Variants in NKAIN2 observed in about 807,000 individuals in gnomAD.
NKAIN2 encodes sodium/potassium transporting ATPase interacting 2.
Under a neutral mutation model 32.6 loss-of-function variants are expected in NKAIN2, and 14 were observed. The ratio of observed to expected loss-of-function variants is 0.43; its 90% CI spans 0.28 to 0.67. The LOEUF is 0.67. NKAIN2 is among the 30% of genes least tolerant of loss of function. The pLI is 0.17. For synonymous variants in NKAIN2, 80 were observed against 87.2 expected (o/e 0.92, Z 0.46); for missense variants, 198 against 258.3 (o/e 0.77, Z 1.60).
At position 123,876,469 on chromosome 6, in the gene NKAIN2, A is replaced by C. The variant is rs1773175497; in HGVS notation, c.54+72215A>C. ...ATATATATACATACACACACACACA[A>C]GATTTTATAAAGGATTTGCTCACGT... On this transcript the variant is annotated intron_variant, in intron 1 of 6. Transcript: ENST00000368417. 2.0e-5 allele frequency among the ~76,000 whole-genome samples: 3 copies of C among 152,146 alleles called. No homozygotes were observed. In the South Asian group the frequency reaches 6.2e-4, roughly 32 times the overall value.
At chr6:123,830,134 A>G (rs1199881769) in intron 1 of NKAIN2, among the ~76,000 whole-genome samples, 1 of 152,010 alleles carries the variant, frequency 6.6e-6, no homozygotes, top group Non-Finnish European at 1.5e-5. Context: ...TTTGCATCCT[A>G]AAAATTTATT....
chr6:124,184,774 C>A (rs1789627226), intron 1 of NKAIN2, among the ~76,000 whole-genome samples: 1 of 152,018 alleles, frequency 6.6e-6, no homozygotes, highest in Admixed American at 6.6e-5. Context: ...GTCCCAGAAT[C>A]AAAGGGAATG....
At chr6:124,269,036 A>C (rs1794628632) in intron 1 of NKAIN2, among the ~76,000 whole-genome samples, 1 of 152,220 alleles carries the variant, frequency 6.6e-6, no homozygotes, top group South Asian at 2.1e-4. Context: ...TAGATAGAAG[A>C]AGCATGTATA....
chr6:124,627,927 TC>T (rs1334197972), intron 3 of NKAIN2, among the ~76,000 whole-genome samples: 2 of 152,152 alleles, frequency 1.3e-5, no homozygotes, highest in African/African-American at 2.4e-5. Context: ...TGTACACTCA[TC>T]TGTTCACACA....
chr6:124,300,772 GC>G (rs1796260823), intron 2 of NKAIN2, among the ~76,000 whole-genome samples: 1 of 152,178 alleles, frequency 6.6e-6, no homozygotes, highest in African/African-American at 2.4e-5. Flanking sequence ...CTGGCATTTT[GC>G]CCCTGCCCTA....
At chr6:124,762,083 G>A (rs769147945) in intron 4 of NKAIN2, among the ~76,000 whole-genome samples, 3 of 152,134 alleles carry the variant, frequency 2.0e-5, no homozygotes, top group Non-Finnish European at 4.4e-5. Flanking sequence ...ACCAAGGGCT[G>A]CTATAACAAA....
chr6:124,559,278 T>G (rs1226708920), intron 3 of NKAIN2, among the ~76,000 whole-genome samples: 5 of 152,080 alleles, frequency 3.3e-5, no homozygotes. Context: ...GAATAGATAA[T>G]GGCCAATATA....
chr6:124,024,218 C>A (rs536404774), intron 1 of NKAIN2, among the ~76,000 whole-genome samples: 1 of 151,886 alleles, frequency 6.6e-6, no homozygotes, highest in South Asian at 2.1e-4. Flanking sequence ...GATTATATTC[C>A]CCTGATCCAG....
chr6:123,917,347 T>G (rs1775548397), intron 1 of NKAIN2, among the ~76,000 whole-genome samples: 1 of 152,150 alleles, frequency 6.6e-6, no homozygotes, highest in Admixed American at 6.6e-5. Flanking sequence ...AAGAAGCCGT[T>G]TTTTTGAAGT....
intron 1 of NKAIN2, among the ~76,000 whole-genome samples, chr6:123,904,438 T>C (rs1774757296): frequency 6.6e-6 from 1 of 152,190 alleles, no homozygotes; most frequent in Admixed American, 6.5e-5. Flanking sequence ...TCCTGCTTTG[T>C]GCACAGATCT....
intron 1 of NKAIN2, among the ~76,000 whole-genome samples, chr6:124,212,836 T>C (rs1463856832): frequency 1.3e-5 from 2 of 152,106 alleles, no homozygotes; most frequent in Non-Finnish European, 2.9e-5. Flanking sequence ...GTGATTTAGT[T>C]ATTAGACTCA....
chr6:124,083,130 A>G (rs1160769513), intron 1 of NKAIN2, among the ~76,000 whole-genome samples: 2 of 151,972 alleles, frequency 1.3e-5, no homozygotes, highest in Non-Finnish European at 2.9e-5. Context: ...GTTTGTATAC[A>G]AAATATTTAT....
At chr6:124,518,587 A>G (rs1460474252) in intron 3 of NKAIN2, among the ~76,000 whole-genome samples, 2 of 152,034 alleles carry the variant, frequency 1.3e-5, no homozygotes, top group Non-Finnish European at 2.9e-5. Flanking sequence ...GAACTCACTC[A>G]CCATTGCAAA....
At chr6:124,794,791 G>C (rs1779929028) in intron 5 of NKAIN2, 1 of 583,470 alleles carries the variant, frequency 1.7e-6, no homozygotes, top group Non-Finnish European at 2.2e-6. Flanking sequence ...TGGTTACAAT[G>C]CTTTGGGTTG....
chr6:123,882,360 T>G (rs1400148756), intron 1 of NKAIN2, among the ~76,000 whole-genome samples: 1 of 152,122 alleles, frequency 6.6e-6, no homozygotes, highest in Non-Finnish European at 1.5e-5. Flanking sequence ...TGAGATCAAC[T>G]TATCACTAAT....
intron 3 of NKAIN2, among the ~76,000 whole-genome samples, chr6:124,618,635 T>C (rs1782995647): frequency 6.6e-6 from 1 of 152,202 alleles, no homozygotes; most frequent in Admixed American, 6.5e-5. Flanking sequence ...TAAAATCCTC[T>C]TAATGATGGA....
intron 1 of NKAIN2, among the ~76,000 whole-genome samples, chr6:123,839,199 A>T (rs1328157493): frequency 6.6e-6 from 1 of 151,688 alleles, no homozygotes; most frequent in Non-Finnish European, 1.5e-5. Flanking sequence ...CTCGAAGGTC[A>T]TTAAGGTACT....
intron 1 of NKAIN2, among the ~76,000 whole-genome samples, chr6:124,102,335 A>G (rs903198040): frequency 6.6e-6 from 1 of 152,176 alleles, no homozygotes; most frequent in Non-Finnish European, 1.5e-5. Flanking sequence ...ACTTCATTCC[A>G]GGCTTCAGCT....
intron 3 of NKAIN2, among the ~76,000 whole-genome samples, chr6:124,399,033 T>C (rs986081516): frequency 2.6e-5 from 4 of 152,094 alleles, no homozygotes; most frequent in African/African-American, 9.7e-5. Flanking sequence ...TTCAAGTGAT[T>C]CTCTTGCCTC....
Sources: gnomAD v4.1 joint callset for allele counts (sites outside exome capture counted in the v4.1 genomes callset) on GRCh38, gnomAD v4.1.1 for gene constraint, MANE v1.5 for transcripts, NCBI Gene and HGNC (gene_info 2026-07-23, HGNC 2026-07-21) for gene names.